UBA3: variants seen among roughly 807,000 people sequenced by gnomAD.
UBA3 encodes the protein ubiquitin like modifier activating enzyme 3.
Under a neutral mutation model 73.5 loss-of-function variants are expected in UBA3, and 26 were observed. That is an observed-to-expected ratio of 0.35 (90% CI 0.26 to 0.49). The LOEUF is 0.49. UBA3 is among the 20% of genes least tolerant of loss of function. UBA3 has a pLI of 0.98. For missense variants in UBA3, 495 were observed against 555.6 expected, an observed-to-expected ratio of 0.89 and a Z score of 1.10; for synonymous variants, 217 against 191.2, an observed-to-expected ratio of 1.13 and a Z score of -1.11.
At chr3:69,055,714 T>C in intron 17 of UBA3, 137 bp downstream of exon 17, 1 of 920,184 alleles carries the variant, frequency 1.1e-6, no homozygotes, top group African/African-American at 1.7e-5. Flanking sequence ...ATTCTATTAA[T>C]ATGTCTAAAG....
intron 11 of UBA3, among the ~76,000 whole-genome samples, chr3:69,061,328 T>C (rs911816951): frequency 6.6e-6 from 1 of 152,222 alleles, no homozygotes; most frequent in Non-Finnish European, 1.5e-5. Flanking sequence ...CCTGAGTAGC[T>C]GGGATTACAG....
At chr3:69,080,242 T>C (rs2092207595) in intron 1 of UBA3, 89 bp from the exon 2 acceptor site, 1 of 1,190,380 alleles carries the variant, frequency 8.4e-7, no homozygotes, top group Admixed American at 2.0e-5. Context: ...GCGGGGGGTG[T>C]GGGGACCCCG....
At chr3:69,071,658 C>T in intron 4 of UBA3, 41 bp from the exon 5 acceptor site, 1 of 1,284,808 alleles carries the variant, frequency 7.8e-7, no homozygotes, top group Non-Finnish European at 1.1e-6. Flanking sequence ...GAAGTTTCCT[C>T]ACATTTAAAA....
chr3:69,056,631 G>T lies in UBA3; in HGVS notation c.1064C>A (p.Thr355Lys). 6.2e-7 allele frequency: 1 copy of T among 1,611,776 alleles called. No homozygotes were observed. Among genetic ancestry groups the T allele is most frequent in the Non-Finnish European group, 8.5e-7 (1 of 1,178,430 alleles). ...FNDVDGLYTYTFEAERKENCP... is the reference protein window; with the variant it reads ...FNDVDGLYTYKFEAERKENCP... ...ACTAACCTTTCTTTCTGCTTCAAAT[G>T]TGTATGTATACAGCCCATCTACATC... Residue 355 changes from threonine (T) to lysine (K), a missense_variant, in exon 14 of 18, where the codon ACA becomes AAA. Thr to Lys is a moderately conservative substitution (Grantham distance 78, BLOSUM62 -1). Transcript: ENST00000361055.
intron 4 of UBA3, among the ~76,000 whole-genome samples, chr3:69,074,620 T>C (rs1427705282): frequency 6.6e-6 from 1 of 152,200 alleles, no homozygotes; most frequent in Non-Finnish European, 1.5e-5. Context: ...CTAAAGAGTC[T>C]ATTCCAGCAT....
chr3:69,075,741 C>CT (rs1427687904), intron 3 of UBA3, among the ~76,000 whole-genome samples: 6 of 139,860 alleles, frequency 4.3e-5, no homozygotes, highest in African/African-American at 1.6e-4. Flanking sequence ...TTTTTTTTTT[C>CT]TTTTTTTTGA....
intron 5 of UBA3, among the ~76,000 whole-genome samples, chr3:69,070,919 C>CTTT (rs2092117608): frequency 5.3e-5 from 8 of 152,190 alleles, no homozygotes; most frequent in Admixed American, 3.3e-4. Flanking sequence ...GTTGGGATTA[C>CTTT]AGGTGTAAGC....
intron 3 of UBA3, among the ~76,000 whole-genome samples, chr3:69,077,079 G>A (rs2092174004): frequency 6.7e-6 from 1 of 149,344 alleles, no homozygotes. Flanking sequence ...TCTAAAGAAA[G>A]ACAGAATTAA....
chr3:69,065,825 T>C (rs1025507490), intron 6 of UBA3, among the ~76,000 whole-genome samples: 6 of 152,168 alleles, frequency 3.9e-5, no homozygotes, highest in African/African-American at 7.2e-5. Flanking sequence ...TTTTTTTTTT[T>C]AGTCTAATAG....
chr3:69,070,811 A>AT (rs2092116162), intron 5 of UBA3, among the ~76,000 whole-genome samples: 1 of 151,788 alleles, frequency 6.6e-6, no homozygotes, highest in South Asian at 2.1e-4. Flanking sequence ...CACCCGGCTA[A>AT]TTTTTTAATT....
At chr3:69,072,262 A>C (rs888392976) in intron 4 of UBA3, among the ~76,000 whole-genome samples, 8 of 152,234 alleles carry the variant, frequency 5.3e-5, no homozygotes, top group Admixed American at 4.6e-4. Flanking sequence ...AAACTGAAAA[A>C]AATAAGTCTC....
intron 11 of UBA3, among the ~76,000 whole-genome samples, chr3:69,061,339 G>T (rs944588248): frequency 6.6e-6 from 1 of 152,204 alleles, no homozygotes; most frequent in African/African-American, 2.4e-5. Flanking sequence ...GGGATTACAG[G>T]CATGTGCCAC....
intron 2 of UBA3, 24 bp from the exon 3 acceptor site, chr3:69,077,942 G>T: frequency 6.2e-7 from 1 of 1,608,718 alleles, no homozygotes; most frequent in East Asian, 2.2e-5. Flanking sequence ...AGTAAATTCA[G>T]CTGCAAAGAT....
At position 69,080,134 on chromosome 3, in the gene UBA3, T is replaced by A. The variant is rs955701904; in HGVS notation, c.40A>T (p.Ile14Leu). The stretch of plus-strand genomic sequence containing the variant: ...AACTTCTCAGCCAGCAGCTCCTCTA[T>A]TCTCCTTCTTTTCTTCTCCCTAAAA... ...GEEPEKKRRR[I>L]EELLAEKMAV... is the part of the protein sequence containing the mutation. Residue 14 changes from isoleucine to leucine, a missense_variant, in exon 2 of 18, where the codon ATA becomes TTA. Coordinates refer to ENST00000361055, the MANE Select transcript of UBA3 (RefSeq NM_003968.4). The A allele has an allele frequency of 6.2e-7, 1 of 1,609,510 alleles. No individual in the cohort carries two copies. Among genetic ancestry groups the A allele is most frequent in the African/African-American group, 1.3e-5 (1 of 74,558 alleles).
intron 12 of UBA3, 78 bp downstream of exon 12, chr3:69,057,178 T>C (rs2091981088): frequency 7.0e-7 from 1 of 1,432,974 alleles, no homozygotes; most frequent in East Asian, 2.3e-5. Context: ...ATCAAATTCC[T>C]ACAACACAAA....
intron 9 of UBA3, 119 bp downstream of exon 9, chr3:69,062,863 T>C: frequency 7.9e-7 from 1 of 1,262,748 alleles, no homozygotes; most frequent in Admixed American, 2.3e-5. Context: ...CTTCTTAGTG[T>C]AATTTTTAAA....
chr3:69,072,257 G>A (rs1259091823), intron 4 of UBA3, among the ~76,000 whole-genome samples: 2 of 152,062 alleles, frequency 1.3e-5, no homozygotes, highest in African/African-American at 4.8e-5. Context: ...GCAAAAAACT[G>A]AAAAAAATAA....
At chr3:69,071,687 A>T (rs551096394) in intron 4 of UBA3, 70 bp from the exon 5 acceptor site, 27 of 966,174 alleles carry the variant, frequency 2.8e-5, no homozygotes, top group Non-Finnish European at 3.8e-5. Flanking sequence ...TTTGTTTTCA[A>T]TGTAGTCTTA....
intron 11 of UBA3, 97 bp from the exon 12 acceptor site, chr3:69,057,406 C>T: frequency 8.8e-7 from 1 of 1,138,762 alleles, no homozygotes; most frequent in Non-Finnish European, 1.3e-6. Context: ...TTTTCTAAAA[C>T]TTGATTTTTC....
Sources: gnomAD v4.1 joint callset for allele counts (sites outside exome capture counted in the v4.1 genomes callset) on GRCh38, gnomAD v4.1.1 for gene constraint, MANE v1.5 for transcripts, NCBI Gene and HGNC (gene_info 2026-07-23, HGNC 2026-07-21) for gene names.